Variants in TRPM3 observed in about 807,000 individuals in gnomAD.
The protein encoded by TRPM3 is long transient receptor potential channel 3.
A neutral mutation model predicts 181.2 loss-of-function variants in TRPM3; 77 were observed. The observed-to-expected ratio is 0.42, with a 90% CI of 0.35 to 0.51. TRPM3 has a LOEUF of 0.51. Among genes scored for constraint, TRPM3 ranks in the 20% least tolerant of loss-of-function variants. The pLI is 0.01. For synonymous variants in TRPM3, 745 were observed against 796.4 expected (o/e 0.94, Z 1.09); for missense variants, 1,759 against 2,196.7 (o/e 0.80, Z 3.98).
intron 9 of TRPM3, among the ~76,000 whole-genome samples, chr9:70,643,356 T>C (rs1329018595): frequency 6.6e-6 from 1 of 152,182 alleles, no homozygotes; most frequent in Non-Finnish European, 1.5e-5. Flanking sequence ...GCCATTTGTA[T>C]GTTGCAAATT....
At chr9:70,941,855 A>G (rs1224307401) in intron 1 of TRPM3, among the ~76,000 whole-genome samples, 1 of 151,972 alleles carries the variant, frequency 6.6e-6, no homozygotes, top group Non-Finnish European at 1.5e-5. Flanking sequence ...AGATATGATT[A>G]CTCTTTGGCT....
At chr9:70,898,064 A>C (rs1381707237) in intron 1 of TRPM3, among the ~76,000 whole-genome samples, 1 of 151,702 alleles carries the variant, frequency 6.6e-6, no homozygotes, top group African/African-American at 2.4e-5. Context: ...GACGGTCTTT[A>C]TGTTGGTTTT....
At chr9:70,825,191 T>G (rs2093474615) in intron 6 of TRPM3, 1 of 152,172 alleles carries the variant, frequency 6.6e-6, no homozygotes, top group African/African-American at 2.4e-5. Context: ...CTGAGACAAG[T>G]TGGTCACCCT....
rs145929732 is a variant in TRPM3, at chr9:71,247,880, T to C, written c.183+198773A>G. Among the ~76,000 whole-genome samples, 32 of 152,270 alleles carry C rather than the reference T, an allele frequency of 2.1e-4. No individual in the cohort carries two copies. The East Asian group carries it at 6.2e-3, about 29-fold the overall frequency. ...TCCAGAGACTTAAATTTATATTTTA[T>C]AACAAATGATCTATTTTACTAGCTA... On this transcript the variant is annotated intron_variant, in intron 1 of 24. Transcript: ENST00000357533.
rs928093260 is a variant in TRPM3 at position 70,620,596 on chromosome 9, A to T, written c.1840-231T>A. On this transcript the variant is annotated intron_variant, in intron 15 of 25. Transcript: ENST00000677713. Reference sequence around the variant, plus strand: ...AACATGTCAGTGTTACACTCTGATTAAAAAAATTATTTTTTAATGGGCCAT... The same window carrying T: ...AACATGTCAGTGTTACACTCTGATTTAAAAAATTATTTTTTAATGGGCCAT... Among the ~76,000 whole-genome samples the T allele has an allele frequency of 8.5e-5, 13 of 152,310 alleles. No homozygotes were observed. The South Asian group carries it at 1.0e-3, about 12-fold the overall frequency.
intron 6 of TRPM3, among the ~76,000 whole-genome samples, chr9:70,789,284 GATT>G (rs2084752706): frequency 6.6e-6 from 1 of 152,088 alleles, no homozygotes; most frequent in South Asian, 2.1e-4. Context: ...AGCTGGGCTG[GATT>G]CATAGGGCTC....
chr9:70,753,695 G>C (rs929828236), intron 8 of TRPM3, among the ~76,000 whole-genome samples: 7 of 152,264 alleles, frequency 4.6e-5, no homozygotes, highest in Non-Finnish European at 8.8e-5. Flanking sequence ...CTGGCATCCA[G>C]GTTCAGGTTC....
intron 6 of TRPM3, among the ~76,000 whole-genome samples, chr9:70,792,761 C>A (rs991267554): frequency 5.3e-5 from 8 of 152,008 alleles, no homozygotes; most frequent in African/African-American, 1.7e-4. Context: ...TGCAGAGAGT[C>A]CCCTATTCAC....
intron 1 of TRPM3, among the ~76,000 whole-genome samples, chr9:71,259,033 A>T (rs1028576808): frequency 6.6e-5 from 10 of 152,094 alleles, no homozygotes; most frequent in African/African-American, 2.4e-4. Flanking sequence ...TCCTAATGCT[A>T]TCCCTCCCCT....
At chr9:70,821,987 C>G (rs1468407681) in intron 6 of TRPM3, among the ~76,000 whole-genome samples, 1 of 152,220 alleles carries the variant, frequency 6.6e-6, no homozygotes, top group Non-Finnish European at 1.5e-5. Flanking sequence ...GTTCATTCTC[C>G]CAGTCTCTAA....
At chr9:71,255,083 C>G (rs2082590159) in intron 1 of TRPM3, among the ~76,000 whole-genome samples, 1 of 152,158 alleles carries the variant, frequency 6.6e-6, no homozygotes, top group African/African-American at 2.4e-5. Flanking sequence ...GCCTAAGTCC[C>G]CATAGCTACC....
At chr9:70,902,480 G>T (rs1018248006) in intron 1 of TRPM3, among the ~76,000 whole-genome samples, 1 of 152,202 alleles carries the variant, frequency 6.6e-6, no homozygotes, top group African/African-American at 2.4e-5. Context: ...ACAAAGGAGG[G>T]ATTTTTGCAT....
chr9:70,538,316 G>C (rs190525643), intron 25 of TRPM3, among the ~76,000 whole-genome samples: 2 of 147,746 alleles, frequency 1.4e-5, no homozygotes, highest in South Asian at 4.2e-4. Flanking sequence ...TTTTAGAGAT[G>C]GGGGGGGTCT....
intron 1 of TRPM3, among the ~76,000 whole-genome samples, chr9:71,179,133 T>A (rs1454366029): frequency 6.6e-6 from 1 of 152,120 alleles, no homozygotes; most frequent in East Asian, 1.9e-4. Flanking sequence ...TTCAAGGAAT[T>A]AACAGCCCAG....
At chr9:71,128,387 C>A (rs754193107) in intron 1 of TRPM3, among the ~76,000 whole-genome samples, 1 of 152,162 alleles carries the variant, frequency 6.6e-6, no homozygotes, top group African/African-American at 2.4e-5. Flanking sequence ...CTTTATTCAG[C>A]CTTGAAACCC....
At chr9:70,876,866 A>C (rs946451461) in intron 1 of TRPM3, among the ~76,000 whole-genome samples, 2 of 151,988 alleles carry the variant, frequency 1.3e-5, no homozygotes, top group African/African-American at 4.8e-5. Context: ...TTTTAGGTTT[A>C]CAAAAAAAGT....
At chr9:71,134,665 C>A (rs2074655685) in intron 1 of TRPM3, among the ~76,000 whole-genome samples, 1 of 152,072 alleles carries the variant, frequency 6.6e-6, no homozygotes, top group South Asian at 2.1e-4. Context: ...TTCAATCCTG[C>A]ATAATTCAAT....
chr9:71,365,870 G>T lies in TRPM3; in HGVS notation c.183+80783C>A, dbSNP rs576204461. Among the ~76,000 whole-genome samples the T allele has an allele frequency of 2.0e-5, 3 of 152,142 alleles. No individual in the cohort carries two copies. In the East Asian group the frequency reaches 5.8e-4, roughly 29 times the overall value. ...CATGCTCTCGTGGGGCTGCCATTTA[G>T]TTGCTGTACCAGAATATAAACCAAT... is the stretch of plus-strand genomic sequence containing the variant. On this transcript the variant is annotated intron_variant, in intron 1 of 24. Transcript: ENST00000357533.
chr9:70,780,606 G>A (rs2082254257), intron 7 of TRPM3, among the ~76,000 whole-genome samples: 1 of 151,866 alleles, frequency 6.6e-6, no homozygotes, highest in African/African-American at 2.4e-5. Flanking sequence ...AAAATTGGCT[G>A]CACATGTGTG....
Sources: allele counts gnomAD v4.1 joint callset (sites outside exome capture counted in the v4.1 genomes callset), GRCh38; gene constraint gnomAD v4.1.1; transcripts MANE v1.5; gene names NCBI Gene and HGNC (gene_info 2026-07-23, HGNC 2026-07-21).